Variants in PPP2R1B observed in about 807,000 individuals in gnomAD.
PPP2R1B encodes protein phosphatase 2 scaffold subunit Abeta, also known as serine/threonine-protein phosphatase 2A 65 kDa regulatory subunit A beta isoform.
A neutral mutation model predicts 72.7 loss-of-function variants in PPP2R1B; 58 were observed. The ratio of observed to expected loss-of-function variants is 0.80; its 90% CI spans 0.65 to 0.99. PPP2R1B has a LOEUF of 0.99. Among genes scored for constraint, PPP2R1B ranks in the 50% least tolerant of loss-of-function variants. PPP2R1B has a pLI of 0.00. For synonymous variants in PPP2R1B, 256 were observed against 264.6 expected (o/e 0.97, Z 0.32); for missense variants, 695 against 733.6 (o/e 0.95, Z 0.61).
At chr11:111,712,304 T>C in the PPP2R1B span, 1 of 1,614,156 alleles carries the variant, frequency 6.2e-7, no homozygotes, top group Non-Finnish European at 8.5e-7. Flanking sequence ...CGTGGAGGCC[T>C]TTTCATTTCC....
chr11:111,748,315 T>C (rs1482697825), intron 10 of PPP2R1B, among the ~76,000 whole-genome samples: 1 of 152,250 alleles, frequency 6.6e-6, no homozygotes, highest in African/African-American at 2.4e-5. Flanking sequence ...GTGTATGGTC[T>C]GCCAAGCAAA....
chr11:111,704,841 T>G, the PPP2R1B span: 2 of 866,664 alleles, frequency 2.3e-6, no homozygotes, highest in Non-Finnish European at 3.3e-6. Flanking sequence ...AGTCACATTT[T>G]TGGAGCAGCT....
the PPP2R1B span, among the ~76,000 whole-genome samples, chr11:111,713,366 G>A: frequency 6.6e-6 from 1 of 152,128 alleles, no homozygotes; most frequent in Non-Finnish European, 1.5e-5. Context: ...CTTGGAGCGT[G>A]TTCAAAATAG....
chr11:111,714,179 G>C, the PPP2R1B span, among the ~76,000 whole-genome samples: 4,414 of 152,232 alleles, frequency 0.029, 214 homozygotes, highest in African/African-American at 0.099. Context: ...GCAAGTACTA[G>C]GGAAGCCTAA....
chr11:111,732,686 A>C (rs534354139), intron 15 of PPP2R1B, among the ~76,000 whole-genome samples: 6 of 152,282 alleles, frequency 3.9e-5, no homozygotes, highest in East Asian at 1.9e-4. Context: ...GCAAGACTTC[A>C]TCTCAAAAAA....
Position 111,742,646 on chromosome 11 carries a change from C to A in PPP2R1B, c.1574G>T (p.Gly525Val). Reference protein sequence around the residue: ...FCINALSEACGQEITTKQMLP... With the variant: ...FCINALSEACVQEITTKQMLP... ...CATTTGCTTAGTAGTTATTTCCTGA[C>A]CACAGGCCTCAGACAGTGCCTAGAA... Residue 525 changes from glycine (G) to valine (V), a missense_variant, in exon 13 of 15, where the codon GGT becomes GTT. Gly to Val is a moderately radical substitution (Grantham distance 109, BLOSUM62 -3). Transcript: ENST00000527614. 6.2e-7 allele frequency: 1 copy of A among 1,612,716 alleles called. No homozygotes were observed. Among genetic ancestry groups the A allele is most frequent in the Non-Finnish European group, 8.5e-7 (1 of 1,179,540 alleles).
At chr11:111,706,270 G>A in the PPP2R1B span, among the ~76,000 whole-genome samples, 2 of 152,208 alleles carry the variant, frequency 1.3e-5, no homozygotes, top group African/African-American at 2.4e-5. Context: ...TTGCTGGGGA[G>A]GAAGGGACAA....
In PPP2R1B at chr11:111,738,417, T is replaced by C. The variant is rs899607413; in HGVS notation, c.*3179A>G. 15 of 985,482 alleles carry C rather than the reference T, an allele frequency of 1.5e-5. No homozygotes were observed. In the South Asian group the frequency reaches 5.6e-4, roughly 37 times the overall value. 61.0% of individuals were successfully genotyped at this position (985,482 alleles called of 1,614,324 possible). A position where few individuals can be genotyped will look rare whatever the true frequency, so the allele number is the denominator to read the frequency against. ...TGACGTCTAAGGGCAAGCCCCAGCC[T>C]TTCAGTTTAGTGACAACACAACAGT... On this transcript the variant is annotated 3_prime_UTR_variant, in exon 15 of 15. Coordinates refer to ENST00000527614, the MANE Select transcript of PPP2R1B (RefSeq NM_002716.5).
At chr11:111,737,384 C>A, downstream of PPP2R1B, 1 of 1,611,620 alleles carries the variant, frequency 6.2e-7, no homozygotes, top group Non-Finnish European at 8.5e-7. Context: ...CCCTGCACAC[C>A]ATGCCACCCT....
At chr11:111,714,718 T>G in the PPP2R1B span, among the ~76,000 whole-genome samples, 1 of 152,078 alleles carries the variant, frequency 6.6e-6, no homozygotes. Context: ...CGACCATGAG[T>G]TCAGCCAAGC....
chr11:111,765,099 C>T (rs1479348465), intron 2 of PPP2R1B, among the ~76,000 whole-genome samples, 194 bp from the exon 3 acceptor site: 1 of 152,232 alleles, frequency 6.6e-6, no homozygotes, highest in Non-Finnish European at 1.5e-5. Context: ...ACTCCCGTAT[C>T]AATTACTTTC....
the PPP2R1B span, among the ~76,000 whole-genome samples, chr11:111,716,878 A>G: frequency 6.6e-6 from 1 of 152,188 alleles, no homozygotes; most frequent in Admixed American, 6.5e-5. Context: ...TTTGCAATCT[A>G]TCCATCTGAC....
chr11:111,727,629 C>T (rs1294935250), intron 15 of PPP2R1B: 2 of 154,050 alleles, frequency 1.3e-5, no homozygotes, highest in Non-Finnish European at 2.9e-5. Context: ...ACGACTCCCC[C>T]ACCTCCACCC....
chr11:111,709,637 T>G, the PPP2R1B span, among the ~76,000 whole-genome samples: 3 of 152,236 alleles, frequency 2.0e-5, no homozygotes, highest in Non-Finnish European at 4.4e-5. Flanking sequence ...ATTTATTTAA[T>G]ATTTGCTAAT....
the PPP2R1B span, chr11:111,700,806 A>G: frequency 2.6e-6 from 4 of 1,535,718 alleles, no homozygotes; most frequent in South Asian, 1.2e-5. Context: ...TTAATATAGC[A>G]TATTAGAAAA....
Position 111,739,702 on chromosome 11 carries a change from A to C in PPP2R1B, c.*1894T>G. The C allele has an allele frequency of 1.0e-6, 1 of 985,398 alleles. No individual in the cohort carries two copies. The highest frequency in any genetic ancestry group is 1.2e-6 in the Non-Finnish European group (1 of 829,856). The allele number at this position is 985,398 out of a possible 1,614,324, so 61.0% of individuals were successfully genotyped here. ...CAGTGCAAATCTGCTTCATGAAGAC[A>C]AATGTCTCTCAAATATGAAATTCAA... On this transcript the variant is annotated 3_prime_UTR_variant, in exon 15 of 15. Coordinates refer to ENST00000527614, the MANE Select transcript of PPP2R1B (RefSeq NM_002716.5).
downstream of PPP2R1B, among the ~76,000 whole-genome samples, chr11:111,736,572 T>C (rs1385515111): frequency 6.6e-6 from 1 of 152,194 alleles, no homozygotes; most frequent in African/African-American, 2.4e-5. Context: ...GTGCGGCCAC[T>C]GCAGGAACGG....
chr11:111,691,188 GTTTTTGTTTTGTCT>G, the PPP2R1B span, among the ~76,000 whole-genome samples: 1 of 152,052 alleles, frequency 6.6e-6, no homozygotes, highest in Non-Finnish European at 1.5e-5. Context: ...GATATCTTAG[GTTTTTGTTTTGTCT>G]TTTTGGTTTT....
chr11:111,762,294 C>G (rs1945356230), intron 3 of PPP2R1B, among the ~76,000 whole-genome samples: 1 of 152,202 alleles, frequency 6.6e-6, no homozygotes, highest in Admixed American at 6.5e-5. Flanking sequence ...CACAGGTAGA[C>G]AGTATTCAGC....
Sources: gnomAD v4.1 joint callset for allele counts (sites outside exome capture counted in the v4.1 genomes callset) on GRCh38, gnomAD v4.1.1 for gene constraint, MANE v1.5 for transcripts, NCBI Gene and HGNC (gene_info 2026-07-23, HGNC 2026-07-21) for gene names.